Variants in ELFN1 observed in about 807,000 individuals in gnomAD.
ELFN1 encodes the protein extracellular leucine rich repeat and fibronectin type III domain containing 1, also known as protein ELFN1.
Under a neutral mutation model 7.6 loss-of-function variants are expected in ELFN1, and 6 were observed. The ratio of observed to expected loss-of-function variants is 0.79; its 90% CI spans 0.43 to 1.56. The LOEUF (loss-of-function observed/expected upper bound fraction) is 1.56, where lower values mean the gene tolerates loss of function less well. Ranked by LOEUF, ELFN1 falls within the 40% of genes most tolerant of loss-of-function variation. ELFN1 has a pLI of 0.01. For synonymous variants in ELFN1, 657 were observed against 588.1 expected, an observed-to-expected ratio of 1.12 and a Z score of -1.70; for missense variants, 1,169 against 1,232.2, an observed-to-expected ratio of 0.95 and a Z score of 0.77.
intron 3 of ELFN1, among the ~76,000 whole-genome samples, chr7:1,717,200 C>T (rs556166436): frequency 1.2e-4 from 19 of 152,162 alleles, no homozygotes; most frequent in Non-Finnish European, 1.8e-4. Context: ...TGCCCAGAGC[C>T]GGAGCTCAGG....
intron 1 of ELFN1, among the ~76,000 whole-genome samples, chr7:1,679,446 G>A (rs1288552252): frequency 6.6e-6 from 1 of 152,220 alleles, no homozygotes; most frequent in Admixed American, 6.5e-5. Context: ...CAGGAGGACA[G>A]TCCCGGGGCC....
At chr7:1,726,063 A>G (rs1186785194) in intron 3 of ELFN1, among the ~76,000 whole-genome samples, 1 of 151,850 alleles carries the variant, frequency 6.6e-6, no homozygotes, top group Non-Finnish European at 1.5e-5. Context: ...CACAATACAC[A>G]CACACACAAT....
chr7:1,704,675 C>A (rs570297846), intron 2 of ELFN1, among the ~76,000 whole-genome samples: 3 of 152,218 alleles, frequency 2.0e-5, no homozygotes, highest in African/African-American at 7.2e-5. Context: ...GTCTCCCTCA[C>A]TCTGAGACCC....
intron 3 of ELFN1, among the ~76,000 whole-genome samples, chr7:1,736,889 A>G (rs1267205270): frequency 2.6e-5 from 4 of 152,020 alleles, no homozygotes; most frequent in African/African-American, 9.7e-5. Flanking sequence ...TCAGGGAGCA[A>G]TGCTGCACTC....
chr7:1,732,627 G>A (rs1014404727), intron 3 of ELFN1, among the ~76,000 whole-genome samples: 2 of 152,188 alleles, frequency 1.3e-5, no homozygotes, highest in African/African-American at 2.4e-5. Context: ...AATTCAAACA[G>A]TAAAGAGGTT....
rs188203977 is a variant in ELFN1 at position 1,702,432 on chromosome 7, A to G, written c.-455-6659A>G. Among the ~76,000 whole-genome samples, 23 of 150,774 alleles carry G rather than the reference A, an allele frequency of 1.5e-4. 1 individual carries two copies. The highest frequency in any genetic ancestry group is 5.5e-4 in the African/African-American group (22 of 40,236). On this transcript the variant is annotated intron_variant, in intron 2 of 3. Coordinates refer to ENST00000424383, the MANE Select transcript of ELFN1 (RefSeq NM_001128636.4). Reference sequence around the variant, plus strand: ...AACGAGACTCCGTCGGGGGGGAAAAAAAAAAAGAAGAAGACCCTCCCTCAC... The same window carrying G: ...AACGAGACTCCGTCGGGGGGGAAAAGAAAAAAGAAGAAGACCCTCCCTCAC...
chr7:1,682,882 A>G (rs947560679), intron 1 of ELFN1, among the ~76,000 whole-genome samples: 1 of 152,116 alleles, frequency 6.6e-6, no homozygotes, highest in Non-Finnish European at 1.5e-5. Context: ...GTTCTCTGCC[A>G]TTTTTAGTTT....
At chr7:1,727,117 A>G (rs1780219276) in intron 3 of ELFN1, among the ~76,000 whole-genome samples, 1 of 152,156 alleles carries the variant, frequency 6.6e-6, no homozygotes, top group Admixed American at 6.5e-5. Context: ...TGTTCCGTCC[A>G]TCTTGGTTCC....
At chr7:1,692,696 T>C (rs535318049) in intron 2 of ELFN1, 2 of 153,316 alleles carry the variant, frequency 1.3e-5, no homozygotes, top group South Asian at 4.1e-4. Context: ...GAAGGGAGAT[T>C]TTTGAGGCCC....
Position 1,695,264 on chromosome 7 carries a change from G to A in ELFN1, c.-456+7114G>A, listed in dbSNP as rs1433435673. Among the ~76,000 whole-genome samples the A allele has an allele frequency of 6.6e-6, 1 of 152,182 alleles. No individual in the cohort carries two copies. Among genetic ancestry groups the A allele is most frequent in the African/African-American group, 2.4e-5 (1 of 41,420 alleles). On this transcript the variant is annotated intron_variant, in intron 2 of 3. Transcript: ENST00000424383. This position sits in a 1 kb window ranked among gnomAD's most constrained non-coding sequence, Gnocchi z 5.1. ...CAGGAAGTAGTAGCGTGCCAGGTGC[G>A]TGGCCGGCCTCCCAGCCCTTCCCAG...
chr7:1,713,892 C>T (rs1293366548), intron 3 of ELFN1, among the ~76,000 whole-genome samples: 1 of 152,196 alleles, frequency 6.6e-6, no homozygotes, highest in African/African-American at 2.4e-5. Flanking sequence ...GCTCCCCTCC[C>T]CCACCTCTCC....
chr7:1,742,487 G>A (rs548860649), intron 3 of ELFN1, among the ~76,000 whole-genome samples: 5 of 152,360 alleles, frequency 3.3e-5, no homozygotes, highest in Admixed American at 3.3e-4. Flanking sequence ...GGGATGGAGG[G>A]GCTGGCGTGG....
intron 3 of ELFN1, among the ~76,000 whole-genome samples, chr7:1,715,592 C>T (rs911205491): frequency 1.3e-5 from 2 of 152,258 alleles, no homozygotes; most frequent in Non-Finnish European, 2.9e-5. Context: ...CAGCCTCCTC[C>T]TGCAGGCAGG....
rs1293491176 is a variant in ELFN1 at position 1,746,553 on chromosome 7, C to T, written c.1957C>T (p.Arg653Ter). ...CTCCGTGCGCAGCCCCCGCGCCTTC[C>T]GAGCCGAGGCCGTCGGGGTGCACAA... ...SGSVRSPRAF[R>*]AEAVGVHKAA... Residue 653 changes from arginine to a stop codon, truncating the protein, a stop_gained, in exon 4 of 4, where the codon CGA becomes TGA. Coordinates refer to ENST00000424383, the MANE Select transcript of ELFN1 (RefSeq NM_001128636.4). LOFTEE classifies it low-confidence loss of function (END_TRUNC). 1 of 1,368,368 alleles carries T rather than the reference C, an allele frequency of 7.3e-7. No homozygotes were observed. Among genetic ancestry groups the T allele is most frequent in the Non-Finnish European group, 9.4e-7 (1 of 1,067,922 alleles). 84.8% of individuals were successfully genotyped at this position (1,368,368 alleles called of 1,614,324 possible). A position where few individuals can be genotyped will look rare whatever the true frequency, so the allele number is the denominator to read the frequency against.
At chr7:1,733,557 T>G (rs1316320570) in intron 3 of ELFN1, among the ~76,000 whole-genome samples, 1 of 152,088 alleles carries the variant, frequency 6.6e-6, no homozygotes, top group African/African-American at 2.4e-5. Flanking sequence ...TCCTGGTCAC[T>G]GAGCAAACCG....
intron 2 of ELFN1, among the ~76,000 whole-genome samples, chr7:1,691,088 G>A (rs1355318933): frequency 6.6e-6 from 1 of 152,156 alleles, no homozygotes; most frequent in East Asian, 1.9e-4. Context: ...TGGAGATAAT[G>A]AGGCCCCCAG....
At chr7:1,717,521 G>A (rs1425285994) in intron 3 of ELFN1, among the ~76,000 whole-genome samples, 1 of 152,228 alleles carries the variant, frequency 6.6e-6, no homozygotes, top group Non-Finnish European at 1.5e-5. Flanking sequence ...AGAGGAAGGT[G>A]CCGGGGGAGC....
chr7:1,725,694 C>T (rs932414153), intron 3 of ELFN1, among the ~76,000 whole-genome samples: 1 of 152,160 alleles, frequency 6.6e-6, no homozygotes, highest in African/African-American at 2.4e-5. Flanking sequence ...GTGTGTAACA[C>T]ATGTGTGCAC....
At chr7:1,680,542 G>A (rs113109931) in intron 1 of ELFN1, among the ~76,000 whole-genome samples, 362 of 152,188 alleles carry the variant, frequency 2.4e-3, no homozygotes, top group Non-Finnish European at 4.3e-3. Context: ...CCTGTGCGCC[G>A]ACACCGTCAC....
Sources: gnomAD v4.1 joint callset for allele counts (sites outside exome capture counted in the v4.1 genomes callset) on GRCh38, gnomAD v4.1.1 for gene constraint, Gnocchi (gnomAD v3.1) non-coding constraint, MANE v1.5 for transcripts, NCBI Gene and HGNC (gene_info 2026-07-23, HGNC 2026-07-21) for gene names.